OR5BS1: variants seen among roughly 807,000 people sequenced by gnomAD.
The protein encoded by OR5BS1 is olfactory receptor family 5 subfamily BS member 1.
the OR5BS1 span, chr12:48,560,333 T>G: frequency 2.5e-6 from 1 of 401,450 alleles, no homozygotes; most frequent in Non-Finnish European, 4.4e-6. Flanking sequence ...TCCTGGGCCA[T>G]AGGAATGGGG....
chr12:48,562,842 G>GCAGTA, the OR5BS1 span: 22 of 402,086 alleles, frequency 5.5e-5, no homozygotes, highest in Middle Eastern at 6.2e-3. Context: ...TGCTCTCCGT[G>GCAGTA]CAGTACAGTG....
chr12:48,560,170 T>C, the OR5BS1 span: 1 of 401,360 alleles, frequency 2.5e-6, no homozygotes, highest in Non-Finnish European at 4.4e-6. Context: ...CTTCCTTGAG[T>C]GTTTCACTCA....
the OR5BS1 span, chr12:48,560,457 C>T: frequency 2.5e-6 from 1 of 401,704 alleles, no homozygotes; most frequent in Non-Finnish European, 4.4e-6. Flanking sequence ...GTTCTGACCC[C>T]TGCGCTAGCA....
chr12:48,560,432 T>C, the OR5BS1 span: 1 of 401,568 alleles, frequency 2.5e-6, no homozygotes, highest in Non-Finnish European at 4.4e-6. Context: ...CTTCCTCCGG[T>C]GCTCTTATTG....
chr12:48,562,540 A>G, the OR5BS1 span, among the ~76,000 whole-genome samples: 1 of 152,194 alleles, frequency 6.6e-6, no homozygotes, highest in African/African-American at 2.4e-5. Context: ...AACATTTGAT[A>G]TGCTGCAGAA....
chr12:48,561,804 C>G, the OR5BS1 span, among the ~76,000 whole-genome samples: 1 of 152,026 alleles, frequency 6.6e-6, no homozygotes, highest in African/African-American at 2.4e-5. Flanking sequence ...AAATAAATAG[C>G]CCAGGAGAGC....
At chr12:48,560,770 G>A in the OR5BS1 span, 5 of 397,338 alleles carry the variant, frequency 1.3e-5, no homozygotes, top group Non-Finnish European at 2.2e-5. Context: ...CTAGGCTCTA[G>A]TGCTGGCTCT....
the OR5BS1 span, chr12:48,562,695 C>G: frequency 2.5e-6 from 1 of 398,568 alleles, no homozygotes; most frequent in African/African-American, 2.1e-5. Flanking sequence ...TGAAGACCTC[C>G]TTTGCAGAGT....
the OR5BS1 span, chr12:48,560,527 G>T: frequency 2.5e-6 from 1 of 401,858 alleles, no homozygotes; most frequent in Non-Finnish European, 4.4e-6. Flanking sequence ...CCTTTTGCTG[G>T]GTTCCTACAG....
At chr12:48,561,635 A>G in the OR5BS1 span, among the ~76,000 whole-genome samples, 1 of 152,162 alleles carries the variant, frequency 6.6e-6, no homozygotes, top group Non-Finnish European at 1.5e-5. Context: ...TGTGCTTTCT[A>G]CTAGTAAATT....
chr12:48,562,796 A>G, the OR5BS1 span: 1 of 401,830 alleles, frequency 2.5e-6, no homozygotes, highest in East Asian at 3.6e-5. Context: ...CCTTCAAGGT[A>G]TATGATTCCA....
At chr12:48,562,342 A>G in the OR5BS1 span, among the ~76,000 whole-genome samples, 1 of 152,262 alleles carries the variant, frequency 6.6e-6, no homozygotes, top group Non-Finnish European at 1.5e-5. Flanking sequence ...AGTCATCACA[A>G]GGTGAGAACA....
chr12:48,560,292 C>T, the OR5BS1 span: 15 of 401,230 alleles, frequency 3.7e-5, no homozygotes, highest in Non-Finnish European at 5.3e-5. Flanking sequence ...TGATTATAAA[C>T]AGGAGGGTGT....
the OR5BS1 span, among the ~76,000 whole-genome samples, chr12:48,561,588 TA>T: frequency 3.3e-5 from 5 of 152,182 alleles, no homozygotes; most frequent in Admixed American, 6.5e-5. Context: ...TCTGTCTGCC[TA>T]GTCCTCCCTC....
chr12:48,561,320 G>A, the OR5BS1 span, among the ~76,000 whole-genome samples: 5 of 152,102 alleles, frequency 3.3e-5, no homozygotes, highest in Admixed American at 1.3e-4. Context: ...TTCCTACTGG[G>A]AGATGTCGCC....
the OR5BS1 span, among the ~76,000 whole-genome samples, chr12:48,561,303 T>C: frequency 1.3e-5 from 2 of 152,216 alleles, no homozygotes; most frequent in Non-Finnish European, 2.9e-5. Context: ...ACATATGCCA[T>C]CTTTATTTCC....
chr12:48,561,391 C>A, the OR5BS1 span, among the ~76,000 whole-genome samples: 44 of 152,176 alleles, frequency 2.9e-4, no homozygotes, highest in Non-Finnish European at 5.4e-4. Context: ...TGCTTTACAT[C>A]GCCAAGCCAA....
At chr12:48,560,860 T>C in the OR5BS1 span, among the ~76,000 whole-genome samples, 1 of 152,152 alleles carries the variant, frequency 6.6e-6, no homozygotes, top group Non-Finnish European at 1.5e-5. Context: ...CCCAGCACTT[T>C]GGGAGGCTGA....
At chr12:48,562,945 C>T in the OR5BS1 span, 1 of 401,196 alleles carries the variant, frequency 2.5e-6, no homozygotes, top group Non-Finnish European at 4.4e-6. Flanking sequence ...GAAGTCCAGG[C>T]TTCCCTTGTA....
Sources: allele counts gnomAD v4.1 joint callset (sites outside exome capture counted in the v4.1 genomes callset), GRCh38; gene constraint gnomAD v4.1.1; transcripts MANE v1.5; gene names NCBI Gene and HGNC (gene_info 2026-07-23, HGNC 2026-07-21).